The following PCDHGA3 variants were observed in gnomAD, a reference collection of about 807,000 sequenced individuals.
PCDHGA3 encodes protocadherin gamma subfamily A, 3.
PCDHGA3 carries 40 observed loss-of-function variants against 58.5 expected under a neutral mutation model. The observed-to-expected ratio is 0.68, with a 90% confidence interval of 0.53 to 0.89. PCDHGA3 has a LOEUF of 0.89. Among genes scored for constraint, PCDHGA3 ranks in the 40% least tolerant of loss-of-function variants. The probability of loss-of-function intolerance (pLI) is 0.00; values close to 1 mark genes in which losing one functional copy is unlikely to be tolerated. For synonymous variants in PCDHGA3, 530 were observed against 525.7 expected, an observed-to-expected ratio of 1.01 and a Z score of -0.11; for missense variants, 1,223 against 1,195.9, an observed-to-expected ratio of 1.02 and a Z score of -0.33.
At chr5:141,433,877 A>G (rs1481965040) in intron 1 of PCDHGA3, among the ~76,000 whole-genome samples, 5 of 151,470 alleles carry the variant, frequency 3.3e-5, no homozygotes, top group Admixed American at 6.6e-5. Context: ...AGTTTCATCC[A>G]TTGATGACAC....
Position 141,491,722 on chromosome 5 carries a change from CG to C in PCDHGA3, c.2425-3082del. Reference sequence around the variant, plus strand: ...CCAGGTGAGGGGCTCGGCGCCGCCCCGGGCGACCCCTGGGGGCGGCACTGGA... The same window carrying C: ...CCAGGTGAGGGGCTCGGCGCCGCCCCGGCGACCCCTGGGGGCGGCACTGGA... On this transcript the variant is annotated intron_variant, in intron 1 of 3. Transcript: ENST00000253812. The surrounding 1 kb of genome is among the most constrained non-coding windows in gnomAD (Gnocchi z 6.9). The C allele has an allele frequency of 1.2e-6, 2 of 1,607,004 alleles. No homozygotes were observed. Among genetic ancestry groups the C allele is most frequent in the Non-Finnish European group, 1.7e-6 (2 of 1,177,148 alleles).
Position 141,490,509 on chromosome 5 carries a change from G to A in PCDHGA3, c.2425-4298G>A. 6.2e-7 allele frequency: 1 copy of A among 1,614,072 alleles called. No individual in the cohort carries two copies. On this transcript the variant is annotated intron_variant, in intron 1 of 3. Transcript: ENST00000253812. The surrounding 1 kb of genome is among the most constrained non-coding windows in gnomAD (Gnocchi z 5.4). ...AGGCCACATCCCACTATATCATCGA[G>A]CTGCTGGCCAGCGATGCTGGTTCAC...
intron 1 of PCDHGA3, chr5:141,394,850 G>A (rs778925348): frequency 1.1e-5 from 17 of 1,613,702 alleles, no homozygotes; most frequent in Non-Finnish European, 1.4e-5. Context: ...GCAGTCTGAA[G>A]CCTTCGGTCG....
chr5:141,403,354 G>A, intron 1 of PCDHGA3: 7 of 1,614,048 alleles, frequency 4.3e-6, no homozygotes, highest in Non-Finnish European at 5.9e-6. Flanking sequence ...CAAAGTTCCA[G>A]GCCGAAAGTC....
At chr5:141,461,242 T>G (rs1246270739) in intron 1 of PCDHGA3, among the ~76,000 whole-genome samples, 1 of 152,170 alleles carries the variant, frequency 6.6e-6, no homozygotes, top group Non-Finnish European at 1.5e-5. Context: ...TGTACTAATT[T>G]ATATTCCCAG....
rs1182148013 is a variant in PCDHGA3, at chr5:141,431,510, G to C, written c.2425-63297G>C. On this transcript the variant is annotated intron_variant, in intron 1 of 3. Transcript: ENST00000253812. This position sits in a 1 kb window ranked among gnomAD's most constrained non-coding sequence, Gnocchi z 4.8. ...TGCTCAGCCCGAGTACCGCGCGAGC[G>C]TTCCGGAGAATCTGGCCTTGGGCAC... 6.2e-7 allele frequency: 1 copy of C among 1,614,022 alleles called. No homozygotes were observed. The highest frequency in any genetic ancestry group is 8.5e-7 in the Non-Finnish European group (1 of 1,180,026).
In PCDHGA3 at chr5:141,431,543, C is replaced by T. The variant is rs1334234544; in HGVS notation, c.2425-63264C>T. The T allele has an allele frequency of 1.9e-6, 3 of 1,614,128 alleles. No individual in the cohort carries two copies. The highest frequency in any genetic ancestry group is 2.5e-6 in the Non-Finnish European group (3 of 1,180,036). ...GAATCTGGCCTTGGGCACGCAGCTGCTTGTAGTCAACGCTACCGACCCTGA... is the reference window on the plus strand; with the variant it reads ...GAATCTGGCCTTGGGCACGCAGCTGTTTGTAGTCAACGCTACCGACCCTGA... On this transcript the variant is annotated intron_variant, in intron 1 of 3. Transcript: ENST00000253812. This position sits in a 1 kb window ranked among gnomAD's most constrained non-coding sequence, Gnocchi z 4.8.
At chr5:141,434,431 T>C (rs931458644) in intron 1 of PCDHGA3, among the ~76,000 whole-genome samples, 2 of 152,186 alleles carry the variant, frequency 1.3e-5, no homozygotes, top group African/African-American at 2.4e-5. Context: ...ATGATGGCCG[T>C]AATGCCCATG....
chr5:141,431,150 CCTTA>C lies in PCDHGA3; in HGVS notation c.2425-63653_2425-63650del, dbSNP rs1302288904. ...AGTAAGGGACATTAACGACAATGCG[CCTTA>C]CTTTCGTGAAAGTGAATTAGAAATA... On this transcript the variant is annotated intron_variant, in intron 1 of 3. Coordinates refer to ENST00000253812, the MANE Select transcript of PCDHGA3 (RefSeq NM_018916.4). The surrounding 1 kb of genome is among the most constrained non-coding windows in gnomAD (Gnocchi z 4.8). 3 of 1,614,226 alleles carry C rather than the reference CCTTA, an allele frequency of 1.9e-6. No individual in the cohort carries two copies. The highest frequency in any genetic ancestry group is 2.2e-5 in the East Asian group (1 of 44,876).
intron 1 of PCDHGA3, among the ~76,000 whole-genome samples, chr5:141,406,226 A>G (rs888434232): frequency 4.6e-5 from 7 of 152,108 alleles, no homozygotes; most frequent in African/African-American, 1.7e-4. Flanking sequence ...TGGGAGGGCT[A>G]GCAAGCTATG....
In PCDHGA3 at chr5:141,487,765, GC is replaced by G. The variant is rs2099665397; in HGVS notation, c.2425-7041del. The G allele has an allele frequency of 6.5e-7, 1 of 1,541,774 alleles. No individual in the cohort carries two copies. Among genetic ancestry groups the G allele is most frequent in the South Asian group, 1.2e-5 (1 of 83,146 alleles). On this transcript the variant is annotated intron_variant, in intron 1 of 3. Transcript: ENST00000253812. This position sits in a 1 kb window ranked among gnomAD's most constrained non-coding sequence, Gnocchi z 5.0. ...GAGGTAACTATGTGGTAGACGCTGT[GC>G]TTTGTAACTGTTTCGTGAATTAACC...
chr5:141,376,170 C>T (rs1415388106), intron 1 of PCDHGA3: 2 of 1,614,112 alleles, frequency 1.2e-6, no homozygotes, highest in South Asian at 1.1e-5. Flanking sequence ...CTGGTGGTGG[C>T]GGTGGCCGCG....
At chr5:141,351,814 C>G (rs368055501) in intron 1 of PCDHGA3, 5 of 1,613,246 alleles carry the variant, frequency 3.1e-6, no homozygotes, top group Middle Eastern at 3.3e-4. Context: ...CCTTCGACCA[C>G]GAGCAGCTGC....
chr5:141,350,855 A>G, intron 1 of PCDHGA3: 5 of 1,614,090 alleles, frequency 3.1e-6, no homozygotes, highest in Non-Finnish European at 4.2e-6. Context: ...ACCTCTAGAC[A>G]GGGAACATCA....
intron 1 of PCDHGA3, among the ~76,000 whole-genome samples, chr5:141,465,911 A>G (rs540115471): frequency 6.6e-6 from 1 of 152,260 alleles, no homozygotes; most frequent in East Asian, 1.9e-4. Context: ...TCACGAGGTC[A>G]GGATTTCGAG....
Position 141,477,827 on chromosome 5 carries a change from C to T in PCDHGA3, c.2425-16980C>T, listed in dbSNP as rs2099419143. On this transcript the variant is annotated intron_variant, in intron 1 of 3. Coordinates refer to ENST00000253812, the MANE Select transcript of PCDHGA3 (RefSeq NM_018916.4). The surrounding 1 kb of genome is among the most constrained non-coding windows in gnomAD (Gnocchi z 4.9). ...CAATGCCCCCCAGGTCCTATATCCT[C>T]GGCCAGGTGGGAGCTCGGTGGAGAT... The T allele has an allele frequency of 1.2e-6, 2 of 1,614,038 alleles. No individual in the cohort carries two copies. Among genetic ancestry groups the T allele is most frequent in the African/African-American group, 1.3e-5 (1 of 74,928 alleles).
chr5:141,350,770 C>G, intron 1 of PCDHGA3: 5 of 1,613,924 alleles, frequency 3.1e-6, no homozygotes, highest in Non-Finnish European at 4.2e-6. Context: ...ACACCATCAA[C>G]CCCAATCAAT....
At chr5:141,494,759 C>G (rs776923097) in intron 1 of PCDHGA3, 48 bp from the exon 2 acceptor site, 2 of 1,613,886 alleles carry the variant, frequency 1.2e-6, no homozygotes, top group Middle Eastern at 1.6e-4. Flanking sequence ...GGGTGACATT[C>G]TAACTTCTCA....
chr5:141,350,689 C>T (rs772075731), intron 1 of PCDHGA3: 1 of 1,613,978 alleles, frequency 6.2e-7, no homozygotes, highest in South Asian at 1.1e-5. Flanking sequence ...GTGAGTCAGC[C>T]TTACCCGGGG....
Sources: gnomAD v4.1 joint callset for allele counts (sites outside exome capture counted in the v4.1 genomes callset) on GRCh38, gnomAD v4.1.1 for gene constraint, Gnocchi (gnomAD v3.1) non-coding constraint, MANE v1.5 for transcripts, NCBI Gene and HGNC (gene_info 2026-07-23, HGNC 2026-07-21) for gene names.